ACRBP: variants seen among roughly 807,000 people sequenced by gnomAD.
ACRBP encodes acrosin binding protein, also known as acrosin-binding protein.
A neutral mutation model predicts 69.0 loss-of-function variants in ACRBP; 52 were observed. The observed-to-expected ratio is 0.75, with a 90% CI of 0.60 to 0.95. The LOEUF is 0.95. Among genes scored for constraint, ACRBP ranks in the 40% least tolerant of loss-of-function variants. The pLI is 0.00. For synonymous variants in ACRBP, 267 were observed against 258.9 expected, an observed-to-expected ratio of 1.03 and a Z score of -0.30; for missense variants, 604 against 673.0, an observed-to-expected ratio of 0.90 and a Z score of 1.13.
chr12:6,646,661 G>A (rs1949091917), intron 2 of ACRBP, 84 bp from the exon 3 acceptor site: 12 of 1,508,314 alleles, frequency 8.0e-6, no homozygotes, highest in Non-Finnish European at 1.0e-5. Context: ...GCCATGGGGA[G>A]GGTGGAGAGT....
intron 6 of ACRBP, among the ~76,000 whole-genome samples, chr12:6,641,616 TTTTG>T (rs1317599077): frequency 1.3e-5 from 2 of 152,214 alleles, no homozygotes; most frequent in Admixed American, 6.5e-5. Flanking sequence ...ACTTCTTGCA[TTTTG>T]TTTAAGAACC....
chr12:6,643,147 CG>C lies in ACRBP; in HGVS notation c.1077+391del, dbSNP rs1273752863. ...ACACATGCCTATAGTCCCAGCTACT[CG>C]GGAGGCTGAGATGAGAGGAGGATCA... is the stretch of plus-strand genomic sequence containing the variant. On this transcript the variant is annotated intron_variant, in intron 6 of 9. Transcript: ENST00000229243. Among the ~76,000 whole-genome samples, 4 of 152,096 alleles carry C rather than the reference CG, an allele frequency of 2.6e-5. No individual in the cohort carries two copies. The East Asian group carries it at 7.7e-4, about 29-fold the overall frequency.
intron 8 of ACRBP, among the ~76,000 whole-genome samples, chr12:6,639,532 C>T (rs1949035995): frequency 6.6e-6 from 1 of 152,194 alleles, no homozygotes; most frequent in Admixed American, 6.5e-5. Context: ...TTTTCCTTGC[C>T]TTGGTTTTCC....
Position 6,638,168 on chromosome 12 carries a change from G to T in ACRBP, c.*114C>A. ...GACTGTTGCTCCAACCCAAGGAAAT[G>T]TGAGTAGGGGCCGAGTAACAGACCC... On this transcript the variant is annotated 3_prime_UTR_variant, in exon 10 of 10. Coordinates refer to ENST00000229243, the MANE Select transcript of ACRBP (RefSeq NM_032489.3). The T allele has an allele frequency of 6.9e-7, 1 of 1,458,910 alleles. No individual in the cohort carries two copies. Among genetic ancestry groups the T allele is most frequent in the Non-Finnish European group, 9.3e-7 (1 of 1,071,590 alleles). The allele number at this position is 1,458,910 out of a possible 1,614,324, so 90.4% of individuals were successfully genotyped here.
intron 1 of ACRBP, 143 bp downstream of exon 1, chr12:6,647,181 G>A: frequency 1.8e-6 from 2 of 1,131,206 alleles, no homozygotes; most frequent in Non-Finnish European, 2.6e-6. Context: ...CGGGCGGGGG[G>A]AGATGGGAGT....
chr12:6,642,600 C>G (rs1294509732), intron 6 of ACRBP, among the ~76,000 whole-genome samples: 1 of 152,156 alleles, frequency 6.6e-6, no homozygotes, highest in Non-Finnish European at 1.5e-5. Context: ...TTGTCTGTCA[C>G]CATCCCAATT....
At chr12:6,642,085 A>G (rs1423289472) in intron 6 of ACRBP, among the ~76,000 whole-genome samples, 1 of 152,118 alleles carries the variant, frequency 6.6e-6, no homozygotes, top group African/African-American at 2.4e-5. Context: ...AACCCACCCC[A>G]TCTGCTCTCT....
chr12:6,638,223 TCAAAA>T lies in ACRBP; in HGVS notation c.*54_*58del. 1 of 1,596,612 alleles carries T rather than the reference TCAAAA, an allele frequency of 6.3e-7. No homozygotes were observed. Among genetic ancestry groups the T allele is most frequent in the Non-Finnish European group, 8.6e-7 (1 of 1,168,398 alleles). ...GGGGCAGCCTGAAAGCAATGGGGTC[TCAAAA>T]CAATAGAGAACGTGGGCAGGTTGGG... On this transcript the variant is annotated 3_prime_UTR_variant, in exon 10 of 10. Transcript: ENST00000229243.
rs567952519 is a variant in ACRBP at position 6,638,579 on chromosome 12, C to A, written c.1510-175G>T. ...TTTTAAAGCCAGAGGAGACATCAAG[C>A]AGCCCAACCCCTTTCATGCAGAAAC... On this transcript the variant is annotated intron_variant, in intron 9 of 9. Transcript: ENST00000229243. 1.1e-4 allele frequency: 136 copies of A among 1,199,806 alleles called. No homozygotes were observed. In the African/African-American group the frequency reaches 1.9e-3, roughly 17 times the overall value. 74.3% of individuals were successfully genotyped at this position (1,199,806 alleles called of 1,614,324 possible). A position where few individuals can be genotyped will look rare whatever the true frequency, so the allele number is the denominator to read the frequency against.
In ACRBP at chr12:6,638,147, G is replaced by C; in HGVS notation, c.*135C>G. On this transcript the variant is annotated 3_prime_UTR_variant, in exon 10 of 10. Transcript: ENST00000229243. ...TCCCACCGTGGCCCTCTCTGGGACT[G>C]TTGCTCCAACCCAAGGAAATGTGAG... 7.6e-7 allele frequency: 1 copy of C among 1,311,612 alleles called. No individual in the cohort carries two copies. Among genetic ancestry groups the C allele is most frequent in the Non-Finnish European group, 1.1e-6 (1 of 947,702 alleles). The allele number at this position is 1,311,612 out of a possible 1,614,324, so 81.2% of individuals were successfully genotyped here. A position where few individuals can be genotyped will look rare whatever the true frequency, so the allele number is the denominator to read the frequency against.
Position 6,643,579 on chromosome 12 carries a change from C to G in ACRBP, c.1037G>C (p.Trp346Ser). ...TCIITPTAKA[W>S]KYMEEEILGF... is the part of the protein sequence containing the mutation. ...AAGGATCTCCTCCTCCATGTACTTC[C>G]AGGCCTTGGCTGTGGGGGTTATGAT... is the stretch of plus-strand genomic sequence containing the variant. Residue 346 changes from tryptophan to serine, a missense_variant, in exon 6 of 10, where the codon TGG becomes TCG. Physicochemically the swap from Trp to Ser is radical, Grantham distance 177 (BLOSUM62 -3). Around this residue, in one of 3 missense-constraint regions of ACRBP, gnomAD observed 532 missense variants for 562.9 expected, o/e 0.95. Transcript: ENST00000229243. The G allele has an allele frequency of 1.2e-6, 2 of 1,614,238 alleles. No individual in the cohort carries two copies. Among genetic ancestry groups the G allele is most frequent in the East Asian group, 4.5e-5 (2 of 44,890 alleles).
At chr12:6,642,998 T>C (rs967333542) in intron 6 of ACRBP, among the ~76,000 whole-genome samples, 2 of 152,134 alleles carry the variant, frequency 1.3e-5, no homozygotes, top group African/African-American at 2.4e-5. Context: ...ATGCCTGTAA[T>C]CCCAGCATTT....
rs756313091 is a variant in ACRBP, at chr12:6,647,014, T to C, written c.44-2A>G. ...CAGGTGCCAGAGGCAGGAGCAGCAC[T>C]GCGGAGCGGGCGAACGGATGATGGA... On this transcript the variant is annotated splice_acceptor_variant, in intron 1 of 9. Coordinates refer to ENST00000229243, the MANE Select transcript of ACRBP (RefSeq NM_032489.3). LOFTEE classifies it high-confidence loss of function. 2.5e-6 allele frequency: 4 copies of C among 1,607,988 alleles called. No homozygotes were observed. The East Asian group carries it at 6.7e-5, about 27-fold the overall frequency.
At chr12:6,643,391 T>G (rs1293484982) in intron 6 of ACRBP, 148 bp downstream of exon 6, 1 of 1,110,680 alleles carries the variant, frequency 9.0e-7, no homozygotes, top group Non-Finnish European at 1.3e-6. Context: ...GTAATGCCCT[T>G]CCTAAGAAAA....
intron 6 of ACRBP, among the ~76,000 whole-genome samples, chr12:6,641,018 AGAT>A (rs1221924937): frequency 6.6e-6 from 1 of 152,234 alleles, no homozygotes; most frequent in Non-Finnish European, 1.5e-5. Flanking sequence ...ATAACAGCAG[AGAT>A]ACTAATATTA....
chr12:6,645,935 C>G (rs1214939887), intron 3 of ACRBP, among the ~76,000 whole-genome samples: 1 of 151,714 alleles, frequency 6.6e-6, no homozygotes, highest in Non-Finnish European at 1.5e-5. Context: ...GCTGGGATTA[C>G]AGGCGTGAGC....
chr12:6,644,245 G>A lies in ACRBP; in HGVS notation c.836C>T (p.Pro279Leu). ...CTCCTGGATGTTCTCCATTATCATA[G>A]GAGTAGACTCTACTTCTCGTACCCG... ...APRVREVEST[P>L]MIMENIQELI... The change falls in exon 5 of 10, where the codon CCT becomes CTT. Residue 279 changes from proline (P) to leucine (L), a missense_variant. Around this residue, in one of 3 missense-constraint regions of ACRBP, gnomAD observed 532 missense variants for 562.9 expected, o/e 0.95. Transcript: ENST00000229243. 1.9e-6 allele frequency: 3 copies of A among 1,614,118 alleles called. No homozygotes were observed. The highest frequency in any genetic ancestry group is 1.1e-5 in the South Asian group (1 of 91,080).
intron 4 of ACRBP, 98 bp from the exon 5 acceptor site, chr12:6,644,703 C>A (rs1949076050): frequency 6.7e-7 from 1 of 1,487,870 alleles, no homozygotes; most frequent in Non-Finnish European, 8.9e-7. Flanking sequence ...CAAAGCAGAC[C>A]AAGTCACACT....
chr12:6,643,127 T>C (rs1949064894), intron 6 of ACRBP, among the ~76,000 whole-genome samples: 1 of 152,026 alleles, frequency 6.6e-6, no homozygotes, highest in Non-Finnish European at 1.5e-5. Flanking sequence ...TGGTGACACA[T>C]GCCTATAGTC....
Sources: allele counts gnomAD v4.1 joint callset (sites outside exome capture counted in the v4.1 genomes callset), GRCh38; gene constraint gnomAD v4.1.1; regional missense constraint gnomAD v4.1.1; transcripts MANE v1.5; gene names NCBI Gene and HGNC (gene_info 2026-07-23, HGNC 2026-07-21).